Variants in ARHGAP45 observed in about 807,000 individuals in gnomAD.
The protein encoded by ARHGAP45 is Rho GTPase activating protein 45.
Under a neutral mutation model 116.1 loss-of-function variants are expected in ARHGAP45, and 56 were observed. That is an observed-to-expected ratio of 0.48 (90% CI 0.39 to 0.60). The LOEUF is 0.60. Ranked by LOEUF, ARHGAP45 falls within the 20% of genes least tolerant of loss-of-function variation. ARHGAP45 has a pLI of 0.00. For synonymous variants in ARHGAP45, 866 were observed against 701.7 expected, an observed-to-expected ratio of 1.23 and a Z score of -3.70; for missense variants, 1,622 against 1,601.0, an observed-to-expected ratio of 1.01 and a Z score of -0.22.
At chr19:1,067,810 A>G in intron 1 of ARHGAP45, 2 of 607,074 alleles carry the variant, frequency 3.3e-6, no homozygotes, top group South Asian at 3.8e-5. Flanking sequence ...GGCTTAGGCA[A>G]TCTGGGGGCT....
intron 2 of ARHGAP45, 30 bp from the exon 3 acceptor site, chr19:1,073,119 C>T: frequency 6.3e-7 from 1 of 1,589,878 alleles, no homozygotes; most frequent in Non-Finnish European, 8.5e-7. Flanking sequence ...TGGGCCCTAC[C>T]CCACTGCTCA....
At position 1,083,251 on chromosome 19, in the gene ARHGAP45, C is replaced by T. The variant is rs1015962810; in HGVS notation, c.2853C>T (p.Ser951=). The T allele has an allele frequency of 3.9e-5, 62 of 1,604,216 alleles. No individual in the cohort carries two copies. The highest frequency in any genetic ancestry group is 5.0e-5 in the Non-Finnish European group (59 of 1,175,724). The change falls in exon 21 of 23, where the codon TCC becomes TCT. Residue 951 remains serine (S), a synonymous_variant. Coordinates refer to ENST00000313093, the MANE Select transcript of ARHGAP45 (RefSeq NM_012292.5). Reference sequence around the variant, plus strand: ...CCACCGAGGCCACCGTGTCCCTCTCCTCCCTGGTGGATTATCCCCATCAGG... The same window carrying T: ...CCACCGAGGCCACCGTGTCCCTCTCTTCCCTGGTGGATTATCCCCATCAGG... The part of the protein sequence containing the change: ...PRPTEATVSL[S]SLVDYPHQAR...
rs996370302 is a variant in ARHGAP45 at position 1,071,416 on chromosome 19, G to C, written c.422-1733G>C. On this transcript the variant is annotated intron_variant, in intron 2 of 22. Transcript: ENST00000313093. This position sits in a 1 kb window ranked among gnomAD's most constrained non-coding sequence, Gnocchi z 4.6. Reference sequence around the variant, plus strand: ...CCGCGTCCGGGAGCACGTGGCGCTCGGGCCGTTTGCCGCCCGCGGTGGGGG... The same window carrying C: ...CCGCGTCCGGGAGCACGTGGCGCTCCGGCCGTTTGCCGCCCGCGGTGGGGG... The C allele has an allele frequency of 9.0e-6, 10 of 1,113,896 alleles. No homozygotes were observed. In the African/African-American group the frequency reaches 1.2e-4, roughly 13 times the overall value. The allele number at this position is 1,113,896 out of a possible 1,614,324, so 69.0% of individuals were successfully genotyped here. A position where few individuals can be genotyped will look rare whatever the true frequency, so the allele number is the denominator to read the frequency against.
Position 1,083,170 on chromosome 19 carries a change from G to C in ARHGAP45, c.2772G>C (p.Lys924Asn). The C allele has an allele frequency of 6.2e-7, 1 of 1,610,682 alleles. No homozygotes were observed. Among genetic ancestry groups the C allele is most frequent in the Non-Finnish European group, 8.5e-7 (1 of 1,179,490 alleles). Residue 924 changes from lysine (K) to asparagine (N), a missense_variant, in exon 21 of 23, where the codon AAG becomes AAC. By Grantham distance (94) the Lys-to-Asn change is moderately conservative. Around this residue, in one of 3 missense-constraint regions of ARHGAP45, gnomAD observed 1,334 missense variants for 1,263.8 expected, o/e 1.06. Transcript: ENST00000313093. ...TCGTGGAGGTGGAGCAGGACAACAA[G>C]ATGACCCCCGGGAACCTGGGCATCG... ...RRIVEVEQDN[K>N]MTPGNLGIVF...
In ARHGAP45 at chr19:1,074,691, G is replaced by T; in HGVS notation, c.1071G>T (p.Ala357=). 1 of 1,610,792 alleles carries T rather than the reference G, an allele frequency of 6.2e-7. No individual in the cohort carries two copies. Among genetic ancestry groups the T allele is most frequent in the Non-Finnish European group, 8.5e-7 (1 of 1,179,336 alleles). ...AGTTCGGCCACAGCATGGTGCAGGC[G>T]GTGGGCACCTTGCAGACCCAGACCT... ...DLEFGHSMVQ[A]VGTLQTQTFM... Residue 357 remains alanine, a synonymous_variant, in exon 9 of 23, where the codon GCG becomes GCT. Coordinates refer to ENST00000313093, the MANE Select transcript of ARHGAP45 (RefSeq NM_012292.5).
chr19:1,085,592 G>A, intron 22 of ARHGAP45, 68 bp from the exon 23 acceptor site: 1 of 1,123,250 alleles, frequency 8.9e-7, no homozygotes. Context: ...TCTCCTGTCT[G>A]TCCCTCCCCT....
chr19:1,073,937 C>G lies in ARHGAP45; in HGVS notation c.724-11C>G, dbSNP rs377597152. On this transcript the variant is annotated splice_polypyrimidine_tract_variant and intron_variant, in intron 5 of 22. Transcript: ENST00000313093. ...CATGGGGCTGGTCTCACCTGCGTCT[C>G]CGTCCTACAGTCCATGGAAAGCCTG... 4 of 1,555,626 alleles carry G rather than the reference C, an allele frequency of 2.6e-6. No individual in the cohort carries two copies. The East Asian group carries it at 7.2e-5, about 28-fold the overall frequency.
At chr19:1,080,821 G>T in intron 16 of ARHGAP45, 35 bp downstream of exon 16, 1 of 1,611,152 alleles carries the variant, frequency 6.2e-7, no homozygotes, top group Non-Finnish European at 8.5e-7. Flanking sequence ...AGAGAGAGGG[G>T]GGTTTGGACA....
chr19:1,067,299 G>A lies in ARHGAP45; in HGVS notation c.-107G>A, dbSNP rs943664190. Reference sequence around the variant, plus strand: ...GGCCTGTCACGTGGGCCTGACAGCTGGGGAGGGGGTGGCCGGCGACAATGT... The same window carrying A: ...GGCCTGTCACGTGGGCCTGACAGCTAGGGAGGGGGTGGCCGGCGACAATGT... On this transcript the variant is annotated 5_prime_UTR_variant, in exon 1 of 23. Transcript: ENST00000313093. 1.3e-5 allele frequency: 18 copies of A among 1,427,424 alleles called. No homozygotes were observed. The South Asian group carries it at 2.6e-4, about 21-fold the overall frequency. 88.4% of individuals were successfully genotyped at this position (1,427,424 alleles called of 1,614,324 possible). A position where few individuals can be genotyped will look rare whatever the true frequency, so the allele number is the denominator to read the frequency against.
Position 1,081,823 on chromosome 19 carries a change from G to C in ARHGAP45, c.2380-1G>C. The C allele has an allele frequency of 6.2e-7, 1 of 1,606,430 alleles. No individual in the cohort carries two copies. The highest frequency in any genetic ancestry group is 8.5e-7 in the Non-Finnish European group (1 of 1,176,982). ...GCCTCCCCACCCCCGGGCTCCCGCA[G>C]GGCATCTACCGGGTCAATGGGGTAA... On this transcript the variant is annotated splice_acceptor_variant, in intron 18 of 22. Transcript: ENST00000313093. LOFTEE classifies it high-confidence loss of function.
intron 19 of ARHGAP45, among the ~76,000 whole-genome samples, chr19:1,082,271 T>G (rs1216503113): frequency 1.5e-4 from 2 of 13,292 alleles, no homozygotes; most frequent in Non-Finnish European, 3.2e-4. Context: ...CCTGACGCTG[T>G]GCGGGGGCGG....
At chr19:1,083,094 CGCGG>C (rs1568482997) in intron 20 of ARHGAP45, 28 bp downstream of exon 20, 1 of 1,562,684 alleles carries the variant, frequency 6.4e-7, no homozygotes. Flanking sequence ...GAGTGGAGGG[CGCGG>C]GGTCCCGGGA....
intron 21 of ARHGAP45, 149 bp downstream of exon 21, chr19:1,083,502 T>C: frequency 2.9e-6 from 2 of 694,340 alleles, no homozygotes; most frequent in Non-Finnish European, 2.4e-6. Context: ...ACTGTCTTTT[T>C]GTGTCTTTTA....
At chr19:1,084,742 C>T (rs940701576) in intron 22 of ARHGAP45, among the ~76,000 whole-genome samples, 5 of 152,104 alleles carry the variant, frequency 3.3e-5, no homozygotes, top group African/African-American at 7.2e-5. Flanking sequence ...GGCCGAGTGC[C>T]GCATCTAGTT....
rs952802230 is a variant in ARHGAP45 at position 1,069,962 on chromosome 19, A to T, written c.421+1218A>T. On this transcript the variant is annotated intron_variant, in intron 2 of 22. Transcript: ENST00000313093. The surrounding 1 kb of genome is among the most constrained non-coding windows in gnomAD (Gnocchi z 4.1). ...CTCCCGAGTACCTGAGACTACAGGC[A>T]TGAGCCACTGCACCTGATTTATTTT... 4.0e-5 allele frequency among the ~76,000 whole-genome samples: 6 copies of T among 151,898 alleles called. No individual in the cohort carries two copies. In the South Asian group the frequency reaches 1.2e-3, roughly 32 times the overall value.
Position 1,073,609 on chromosome 19 carries a change from G to T in ARHGAP45, c.650+19G>T. ...GTAGCACGTGAGCACGGGAGCCTGTGGGGCAGGGCAAGGGAGCGTGGGGGG... is the reference window on the plus strand; with the variant it reads ...GTAGCACGTGAGCACGGGAGCCTGTTGGGCAGGGCAAGGGAGCGTGGGGGG... On this transcript the variant is annotated intron_variant, in intron 4 of 22. Transcript: ENST00000313093. 3 of 1,613,516 alleles carry T rather than the reference G, an allele frequency of 1.9e-6. No individual in the cohort carries two copies. The highest frequency in any genetic ancestry group is 2.5e-6 in the Non-Finnish European group (3 of 1,179,726).
chr19:1,077,390 T>C (rs2043280185), intron 10 of ARHGAP45: 1 of 985,448 alleles, frequency 1.0e-6, no homozygotes, highest in Admixed American at 6.2e-5. Flanking sequence ...TTTTTTTTTT[T>C]TTTTGAGCTG....
rs996649769 is a variant in ARHGAP45 at position 1,069,466 on chromosome 19, G to A, written c.421+722G>A. ...GTGCCAGGGTCATGCCAGGCGCTCT[G>A]ATCTGCTCCCAGCAGCCGCCCATTT... On this transcript the variant is annotated intron_variant, in intron 2 of 22. Transcript: ENST00000313093. The surrounding 1 kb of genome is among the most constrained non-coding windows in gnomAD (Gnocchi z 4.1). Among the ~76,000 whole-genome samples the A allele has an allele frequency of 6.6e-6, 1 of 152,234 alleles. No homozygotes were observed. Among genetic ancestry groups the A allele is most frequent in the Non-Finnish European group, 1.5e-5 (1 of 68,036 alleles).
intron 22 of ARHGAP45, among the ~76,000 whole-genome samples, chr19:1,085,134 G>A (rs2043568012): frequency 6.6e-6 from 1 of 152,158 alleles, no homozygotes; most frequent in Non-Finnish European, 1.5e-5. Flanking sequence ...GTTTAATGGA[G>A]TTACAGTTCC....
Sources: allele counts gnomAD v4.1 joint callset (sites outside exome capture counted in the v4.1 genomes callset), GRCh38; gene constraint gnomAD v4.1.1; regional missense constraint gnomAD v4.1.1; non-coding constraint Gnocchi (gnomAD v3.1); transcripts MANE v1.5; gene names NCBI Gene and HGNC (gene_info 2026-07-23, HGNC 2026-07-21).